Variants in ADAMTSL3 observed in about 807,000 individuals in gnomAD.
ADAMTSL3 encodes ADAMTS-like protein 3.
ADAMTSL3 carries 128 observed loss-of-function variants against 201.7 expected under a neutral mutation model. The ratio of observed to expected loss-of-function variants is 0.63; its 90% CI spans 0.55 to 0.73. ADAMTSL3 has a LOEUF of 0.73. ADAMTSL3 is among the 30% of genes least tolerant of loss of function. The pLI is 0.00. For synonymous variants in ADAMTSL3, 738 were observed against 748.4 expected, an observed-to-expected ratio of 0.99 and a Z score of 0.23; for missense variants, 1,990 against 2,119.6, an observed-to-expected ratio of 0.94 and a Z score of 1.20.
intron 16 of ADAMTSL3, among the ~76,000 whole-genome samples, chr15:83,915,229 C>T (rs1005950608): frequency 5.3e-5 from 8 of 152,122 alleles, no homozygotes; most frequent in African/African-American, 1.9e-4. Flanking sequence ...TTGGTAGAAT[C>T]CCTGTTTCAT....
At chr15:83,929,926 T>C (rs763419029) in intron 17 of ADAMTSL3, among the ~76,000 whole-genome samples, 1 of 152,148 alleles carries the variant, frequency 6.6e-6, no homozygotes, top group Non-Finnish European at 1.5e-5. Context: ...CTTAGAGACC[T>C]TCGCTACTAT....
rs115360698 is a variant in ADAMTSL3 at position 83,824,191 on chromosome 15, G to A, written c.600+4144G>A. Among the ~76,000 whole-genome samples, 513 of 151,914 alleles carry A rather than the reference G, an allele frequency of 3.4e-3. 2 individuals are homozygous for A. The highest frequency in any genetic ancestry group is 0.012 in the African/African-American group (490 of 41,410). On this transcript the variant is annotated intron_variant, in intron 6 of 29. Transcript: ENST00000286744. ...CCCACGTAGCTGGGACTAAAGGCATGTGCCATCACGCTCAGCCAGTTTTTT... is the reference window on the plus strand; with the variant it reads ...CCCACGTAGCTGGGACTAAAGGCATATGCCATCACGCTCAGCCAGTTTTTT...
chr15:83,890,019 G>T, intron 10 of ADAMTSL3, 90 bp from the exon 11 acceptor site: 1 of 1,437,812 alleles, frequency 7.0e-7, no homozygotes, highest in South Asian at 1.4e-5. Context: ...TTCTTAAAGA[G>T]GAAAAAAAAA....
At chr15:83,703,113 G>A (rs1308537058) in intron 2 of ADAMTSL3, among the ~76,000 whole-genome samples, 4 of 152,194 alleles carry the variant, frequency 2.6e-5, no homozygotes, top group African/African-American at 9.6e-5. Context: ...ACTAGATTTT[G>A]GACTTGCATG....
In ADAMTSL3 at chr15:83,947,760, T is replaced by C. The variant is rs538895076; in HGVS notation, c.2490+4678T>C. On this transcript the variant is annotated intron_variant, in intron 19 of 29. Coordinates refer to ENST00000286744, the MANE Select transcript of ADAMTSL3 (RefSeq NM_207517.3). ...CCAATATTTGATCCTTTTCCATTGC[T>C]ACACTTTTCCACTGTGGTTGATTCT... 5.3e-5 allele frequency among the ~76,000 whole-genome samples: 8 copies of C among 152,370 alleles called. No individual in the cohort carries two copies. The East Asian group carries it at 1.5e-3, about 29-fold the overall frequency.
chr15:83,674,425 G>T (rs951974320), intron 2 of ADAMTSL3, among the ~76,000 whole-genome samples: 1 of 151,590 alleles, frequency 6.6e-6, no homozygotes, highest in Non-Finnish European at 1.5e-5. Flanking sequence ...TTAGTTGAGG[G>T]TATTTGTTTG....
intron 2 of ADAMTSL3, among the ~76,000 whole-genome samples, chr15:83,701,830 T>C (rs1203321116): frequency 1.3e-5 from 2 of 152,116 alleles, no homozygotes; most frequent in East Asian, 3.9e-4. Context: ...ATTCAGTAAA[T>C]TGGCACCAGT....
chr15:83,895,375 T>C (rs977124342), intron 13 of ADAMTSL3, among the ~76,000 whole-genome samples: 1 of 152,218 alleles, frequency 6.6e-6, no homozygotes, highest in African/African-American at 2.4e-5. Context: ...CCTAGCCATA[T>C]GTTTTATGTT....
At chr15:83,843,411 G>T (rs116543459) in intron 7 of ADAMTSL3, among the ~76,000 whole-genome samples, 1 of 152,138 alleles carries the variant, frequency 6.6e-6, no homozygotes, top group Non-Finnish European at 1.5e-5. Flanking sequence ...AGGTAGCAAA[G>T]ATTCCTGCCT....
Position 83,891,152 on chromosome 15 carries a change from T to C in ADAMTSL3, c.1212-177T>C. The C allele has an allele frequency of 5.5e-6, 3 of 541,546 alleles. No individual in the cohort carries two copies. In the East Asian group the frequency reaches 9.0e-5, roughly 16 times the overall value. 33.5% of individuals were successfully genotyped at this position (541,546 alleles called of 1,614,324 possible). On this transcript the variant is annotated intron_variant, in intron 11 of 29. Coordinates refer to ENST00000286744, the MANE Select transcript of ADAMTSL3 (RefSeq NM_207517.3). ...ACTGGGGAATTTGTGTCGTAGATATTCTTGACAACTAAAGAGATGGTGGCT... is the reference window on the plus strand; with the variant it reads ...ACTGGGGAATTTGTGTCGTAGATATCCTTGACAACTAAAGAGATGGTGGCT...
intron 3 of ADAMTSL3, among the ~76,000 whole-genome samples, chr15:83,739,118 A>G (rs1221397872): frequency 6.6e-6 from 1 of 152,108 alleles, no homozygotes; most frequent in African/African-American, 2.4e-5. Context: ...AAATGTCTTC[A>G]TAAACATGTA....
At chr15:83,724,320 G>A (rs553219400) in intron 3 of ADAMTSL3, among the ~76,000 whole-genome samples, 21 of 151,840 alleles carry the variant, frequency 1.4e-4, no homozygotes, top group Non-Finnish European at 2.4e-4. Flanking sequence ...GGATGGTCTC[G>A]ATCTCCTGAC....
At chr15:83,909,416 A>G (rs1466309892) in intron 15 of ADAMTSL3, among the ~76,000 whole-genome samples, 3 of 152,102 alleles carry the variant, frequency 2.0e-5, no homozygotes, top group East Asian at 1.9e-4. Flanking sequence ...CACTTTTTTC[A>G]TATTTTATTT....
chr15:83,684,280 A>G (rs551880069), intron 2 of ADAMTSL3, among the ~76,000 whole-genome samples: 1 of 152,220 alleles, frequency 6.6e-6, no homozygotes, highest in African/African-American at 2.4e-5. Flanking sequence ...CCCTAGCCAC[A>G]TTTTCCTTTT....
intron 28 of ADAMTSL3, among the ~76,000 whole-genome samples, chr15:84,035,113 T>C (rs1312142169): frequency 6.6e-6 from 1 of 152,178 alleles, no homozygotes; most frequent in Non-Finnish European, 1.5e-5. Flanking sequence ...TCAGCTTCTG[T>C]GTTGGTCCAT....
In ADAMTSL3 at chr15:83,885,085, A is replaced by G. The variant is rs187323118; in HGVS notation, c.961-16A>G. On this transcript the variant is annotated splice_polypyrimidine_tract_variant and intron_variant, in intron 9 of 29. Transcript: ENST00000286744. ...TCCTTGTTTGCACGTGTGTTCTCAC[A>G]GTTCTCTTTGTCCAGACCAGGTACA... The G allele has an allele frequency of 2.6e-4, 408 of 1,583,020 alleles. 2 individuals carry two copies. The African/African-American group carries it at 4.8e-3, about 19-fold the overall frequency.
At chr15:83,839,302 G>A (rs114971131) in intron 7 of ADAMTSL3, among the ~76,000 whole-genome samples, 44 of 152,286 alleles carry the variant, frequency 2.9e-4, no homozygotes, top group African/African-American at 1.1e-3. Flanking sequence ...TCAGGCAGAG[G>A]AAACACAAAG....
Position 84,037,791 on chromosome 15 carries a change from A to G in ADAMTSL3, c.5061A>G (p.Ser1687=). The G allele has an allele frequency of 6.2e-7, 1 of 1,613,468 alleles. No homozygotes were observed. Among genetic ancestry groups the G allele is most frequent in the Non-Finnish European group, 8.5e-7 (1 of 1,179,892 alleles). ...LDRYKQRCCQ[S]CQEG The stretch of plus-strand genomic sequence containing the variant: ...GCTACAAACAAAGGTGCTGCCAGTC[A>G]TGTCAAGAGGGATAAACCTTTGGAG... The change falls in exon 30 of 30, where the codon TCA becomes TCG. Residue 1687 remains serine, a synonymous_variant. Coordinates refer to ENST00000286744, the MANE Select transcript of ADAMTSL3 (RefSeq NM_207517.3).
intron 3 of ADAMTSL3, among the ~76,000 whole-genome samples, chr15:83,766,593 C>G (rs1424048904): frequency 1.3e-5 from 2 of 152,096 alleles, no homozygotes; most frequent in Non-Finnish European, 2.9e-5. Context: ...GTGATGATAG[C>G]TGGGCTGCTG....
Sources: allele counts gnomAD v4.1 joint callset (sites outside exome capture counted in the v4.1 genomes callset), GRCh38; gene constraint gnomAD v4.1.1; transcripts MANE v1.5; gene names NCBI Gene and HGNC (gene_info 2026-07-23, HGNC 2026-07-21).